Variants in GRIA1 observed in about 807,000 individuals in gnomAD.
GRIA1 encodes the protein glutamate receptor 1.
A neutral mutation model predicts 99.2 loss-of-function variants in GRIA1; 31 were observed. The ratio of observed to expected loss-of-function variants is 0.31; its 90% CI spans 0.23 to 0.42. The LOEUF is 0.42. Ranked by LOEUF, GRIA1 falls within the 10% of genes least tolerant of loss-of-function variation. The pLI, the probability that GRIA1 is intolerant of heterozygous loss-of-function variation, is 1.00. For synonymous variants in GRIA1, 438 were observed against 432.4 expected (o/e 1.01, Z -0.16); for missense variants, 782 against 1,157.5 (o/e 0.68, Z 4.71).
At chr5:153,759,482 G>A (rs574896625) in intron 11 of GRIA1, among the ~76,000 whole-genome samples, 1 of 151,850 alleles carries the variant, frequency 6.6e-6, no homozygotes, top group South Asian at 2.1e-4. Context: ...TTAGACACAT[G>A]CAACCTATCA....
intron 2 of GRIA1, among the ~76,000 whole-genome samples, chr5:153,505,731 TC>T (rs1219875042): frequency 6.6e-6 from 1 of 152,236 alleles, no homozygotes; most frequent in African/African-American, 2.4e-5. Flanking sequence ...ACAGACATAG[TC>T]CTGGTCTCCA....
At chr5:153,701,642 A>AAAAAAAAAAAAAAAAAAAAAAAAAAAC (rs1758535394) in intron 10 of GRIA1, among the ~76,000 whole-genome samples, 1 of 149,172 alleles carries the variant, frequency 6.7e-6, no homozygotes, top group Non-Finnish European at 1.5e-5. Flanking sequence ...AAAAAAAAAA[A>AAAAAAAAAAAAAAAAAAAAAAAAAAAC]TACTATGTTC....
intron 2 of GRIA1, among the ~76,000 whole-genome samples, chr5:153,531,666 G>A (rs1350586600): frequency 4.6e-5 from 7 of 152,162 alleles, no homozygotes; most frequent in Non-Finnish European, 7.3e-5. Context: ...GCAGAAGATG[G>A]AAGATCAGTT....
chr5:153,793,836 A>G (rs1561865506), intron 13 of GRIA1, among the ~76,000 whole-genome samples: 2 of 152,244 alleles, frequency 1.3e-5, no homozygotes, highest in Admixed American at 6.5e-5. Context: ...AAAGCTGTCA[A>G]CTGTTAAGCA....
intron 2 of GRIA1, among the ~76,000 whole-genome samples, chr5:153,586,495 T>C (rs1286335395): frequency 1.3e-5 from 2 of 152,216 alleles, no homozygotes; most frequent in African/African-American, 4.8e-5. Context: ...CCAGAGTCTC[T>C]TCTCTAAATC....
chr5:153,592,414 CTT>C (rs963386592), intron 2 of GRIA1, among the ~76,000 whole-genome samples: 11 of 151,812 alleles, frequency 7.2e-5, no homozygotes, highest in African/African-American at 2.7e-4. Context: ...GCCGTGGTCT[CTT>C]TGTGGTTTTG....
chr5:153,714,731 T>C (rs1488155607), intron 11 of GRIA1, among the ~76,000 whole-genome samples: 2 of 152,250 alleles, frequency 1.3e-5, no homozygotes, highest in Admixed American at 6.5e-5. Flanking sequence ...GGGAGCCTGA[T>C]GGTTTTGAAT....
At chr5:153,758,239 C>T (rs552148771) in intron 11 of GRIA1, among the ~76,000 whole-genome samples, 2 of 151,980 alleles carry the variant, frequency 1.3e-5, no homozygotes, top group South Asian at 4.2e-4. Flanking sequence ...CTTAAATTAT[C>T]CAATTAAAAG....
In GRIA1 at chr5:153,706,044, G is replaced by A. The variant is rs758212884; in HGVS notation, c.1800G>A (p.Gln600=). The change falls in exon 11 of 16, where the codon CAG becomes CAA. Residue 600 remains glutamine (Q), a synonymous_variant. Coordinates refer to ENST00000285900, the MANE Select transcript of GRIA1 (RefSeq NM_000827.4). ...SLWFSLGAFM[Q]QGCDISPRSL... ...GGTTCTCCCTGGGAGCCTTCATGCAGCAAGGATGTGACATTTCTCCCAGGT... is the reference window on the plus strand; with the variant it reads ...GGTTCTCCCTGGGAGCCTTCATGCAACAAGGATGTGACATTTCTCCCAGGT... The A allele has an allele frequency of 2.1e-5, 34 of 1,613,708 alleles. No homozygotes were observed. The East Asian group carries it at 5.3e-4, about 25-fold the overall frequency.
intron 14 of GRIA1, among the ~76,000 whole-genome samples, chr5:153,797,078 G>A (rs113170504): frequency 0.013 from 2,034 of 152,306 alleles, 18 homozygotes; most frequent in African/African-American, 0.023. Context: ...GGAGGGCAAT[G>A]TCAGAGGGAC....
chr5:153,671,070 C>T (rs1055438748), intron 5 of GRIA1, among the ~76,000 whole-genome samples: 1 of 152,146 alleles, frequency 6.6e-6, no homozygotes, highest in South Asian at 2.1e-4. Context: ...TTATCATTCT[C>T]TGTCCATTTT....
intron 4 of GRIA1, among the ~76,000 whole-genome samples, chr5:153,653,862 G>A (rs1378196424): frequency 6.6e-6 from 1 of 152,170 alleles, no homozygotes; most frequent in Non-Finnish European, 1.5e-5. Flanking sequence ...TTACAGAGGA[G>A]TTGAGATTGG....
intron 13 of GRIA1, among the ~76,000 whole-genome samples, chr5:153,786,147 G>C (rs1764951884): frequency 6.7e-6 from 1 of 149,914 alleles, no homozygotes. Context: ...GAGTGTAGAT[G>C]AGCTTCTGGT....
intron 2 of GRIA1, among the ~76,000 whole-genome samples, chr5:153,539,086 T>C (rs1758840061): frequency 6.6e-6 from 1 of 152,228 alleles, no homozygotes; most frequent in African/African-American, 2.4e-5. Flanking sequence ...TTAAATTAGG[T>C]CACTGTTTCC....
intron 2 of GRIA1, among the ~76,000 whole-genome samples, chr5:153,594,269 G>A (rs149996510): frequency 5.2e-4 from 79 of 152,246 alleles, no homozygotes; most frequent in African/African-American, 1.9e-3. Flanking sequence ...AGACCCTTCA[G>A]TTTTAAGAGA....
intron 13 of GRIA1, among the ~76,000 whole-genome samples, chr5:153,771,172 C>G (rs1451231426): frequency 6.6e-6 from 1 of 152,106 alleles, no homozygotes; most frequent in African/African-American, 2.4e-5. Flanking sequence ...GATAATTGGC[C>G]CAGCCCTTCC....
intron 2 of GRIA1, chr5:153,558,097 A>G (rs1760809338): frequency 6.6e-6 from 1 of 152,212 alleles, no homozygotes; most frequent in African/African-American, 2.4e-5. Flanking sequence ...CAAACACATT[A>G]GTAATGCATT....
chr5:153,635,802 T>C (rs79108969), intron 2 of GRIA1, among the ~76,000 whole-genome samples: 3,985 of 152,292 alleles, frequency 0.026, 200 homozygotes, highest in African/African-American at 0.091. Flanking sequence ...ACTTTTTGAA[T>C]GAACCTCTGA....
intron 2 of GRIA1, among the ~76,000 whole-genome samples, chr5:153,584,871 C>T (rs562932856): frequency 1.1e-3 from 163 of 152,234 alleles, no homozygotes; most frequent in African/African-American, 3.7e-3. Flanking sequence ...CATGATAATA[C>T]AATGGAAAAG....
Sources: allele counts gnomAD v4.1 joint callset (sites outside exome capture counted in the v4.1 genomes callset), GRCh38; gene constraint gnomAD v4.1.1; transcripts MANE v1.5; gene names NCBI Gene and HGNC (gene_info 2026-07-23, HGNC 2026-07-21).